The following TBC1D8 variants were observed in gnomAD, a reference collection of about 807,000 sequenced individuals.
The protein encoded by TBC1D8 is TBC1 domain family member 8.
TBC1D8 carries 65 observed loss-of-function variants against 118.8 expected under a neutral mutation model. That is an observed-to-expected ratio of 0.55 (90% CI 0.45 to 0.67). TBC1D8 has a LOEUF of 0.67. Ranked by LOEUF, TBC1D8 falls within the 30% of genes least tolerant of loss-of-function variation. The pLI, the probability that TBC1D8 is intolerant of heterozygous loss-of-function variation, is 0.00. For missense variants in TBC1D8, 1,376 were observed against 1,471.2 expected (o/e 0.94, Z 1.06); for synonymous variants, 566 against 595.8 (o/e 0.95, Z 0.73).
chr2:101,050,272 G>A, intron 5 of TBC1D8, 129 bp downstream of exon 5: 1 of 1,373,510 alleles, frequency 7.3e-7, no homozygotes, highest in Non-Finnish European at 9.8e-7. Context: ...ACAAAAATCT[G>A]GATTATGCCA....
intron 1 of TBC1D8, among the ~76,000 whole-genome samples, chr2:101,124,027 T>C (rs946877625): frequency 4.6e-5 from 7 of 152,238 alleles, no homozygotes; most frequent in African/African-American, 1.7e-4. Context: ...CCTGTTGTCC[T>C]GTCCCTGGAT....
chr2:101,094,988 G>A (rs1169183548), intron 1 of TBC1D8, among the ~76,000 whole-genome samples: 2 of 152,122 alleles, frequency 1.3e-5, no homozygotes, highest in Non-Finnish European at 2.9e-5. Context: ...ATAAATCGTA[G>A]GAATATTTAA....
chr2:101,132,439 AGTATG>A, intron 1 of TBC1D8, among the ~76,000 whole-genome samples: 1 of 152,298 alleles, frequency 6.6e-6, no homozygotes, highest in African/African-American at 2.4e-5. Context: ...CCTTCAGTAC[AGTATG>A]TATTCTGTGG....
intron 1 of TBC1D8, among the ~76,000 whole-genome samples, chr2:101,143,330 G>A (rs1024930953): frequency 2.6e-5 from 4 of 151,804 alleles, no homozygotes; most frequent in South Asian, 2.1e-4. Flanking sequence ...GAAAGTGCTG[G>A]GATTACAGAC....
intron 1 of TBC1D8, among the ~76,000 whole-genome samples, chr2:101,113,882 C>A (rs908130809): frequency 4.6e-5 from 7 of 152,214 alleles, no homozygotes; most frequent in African/African-American, 1.7e-4. Context: ...AAACTGCAAA[C>A]AAATCTTGAA....
intron 1 of TBC1D8, among the ~76,000 whole-genome samples, chr2:101,130,402 C>T (rs143478617): frequency 3.5e-4 from 53 of 152,312 alleles, no homozygotes; most frequent in African/African-American, 1.3e-3. Flanking sequence ...CCAAGTCGGA[C>T]CCTAGTGAGA....
rs903543315 is a variant in TBC1D8 at position 101,027,901 on chromosome 2, A to G, written c.2451+147T>C. On this transcript the variant is annotated intron_variant, in intron 14 of 19. Coordinates refer to ENST00000409318, the MANE Select transcript of TBC1D8 (RefSeq NM_001330348.2). ...TGGCTCCAAAGCTCACATTGTTTCT[A>G]CACTACTTCACCCTTAAGTTGTTAA... 5.8e-5 allele frequency: 41 copies of G among 705,952 alleles called. No homozygotes were observed. The African/African-American group carries it at 6.6e-4, about 11-fold the overall frequency. The allele number at this position is 705,952 out of a possible 1,614,324, so 43.7% of individuals were successfully genotyped here.
chr2:101,138,500 T>C (rs1678957208), intron 1 of TBC1D8, among the ~76,000 whole-genome samples: 1 of 152,092 alleles, frequency 6.6e-6, no homozygotes, highest in Admixed American at 6.5e-5. Context: ...CAGACGCCAG[T>C]CACAAGCCCA....
intron 19 of TBC1D8, 118 bp from the exon 20 acceptor site, chr2:101,008,391 TAAGAA>T (rs1437237084): frequency 2.5e-6 from 2 of 801,274 alleles, no homozygotes; most frequent in African/African-American, 3.5e-5. Context: ...ACACAGAATA[TAAGAA>T]AAGGTAGTCT....
At chr2:101,089,417 G>A (rs564849306) in intron 2 of TBC1D8, among the ~76,000 whole-genome samples, 76 of 145,646 alleles carry the variant, frequency 5.2e-4, no homozygotes, top group East Asian at 5.0e-3. Flanking sequence ...TTTATTACTC[G>A]TGTTTAAAAA....
chr2:101,085,553 G>A (rs747468568), intron 2 of TBC1D8, among the ~76,000 whole-genome samples: 4 of 152,088 alleles, frequency 2.6e-5, no homozygotes, highest in African/African-American at 9.7e-5. Flanking sequence ...CCAATATAAC[G>A]TCCGGGATAA....
chr2:101,072,927 T>C (rs540428254), intron 2 of TBC1D8, among the ~76,000 whole-genome samples: 1 of 152,278 alleles, frequency 6.6e-6, no homozygotes, highest in Admixed American at 6.5e-5. Context: ...AGGTCACATT[T>C]CAATATGAGA....
At position 101,008,259 on chromosome 2, in the gene TBC1D8, C is replaced by G; in HGVS notation, c.3030G>C (p.Gln1010His). The G allele has an allele frequency of 6.5e-7, 1 of 1,539,186 alleles. No homozygotes were observed. Among genetic ancestry groups the G allele is most frequent in the Non-Finnish European group, 8.7e-7 (1 of 1,143,046 alleles). ...LPKMSQREFI[Q>H]FCKTLYSMFH... Reference sequence around the variant, plus strand: ...ACATACTGTACAGAGTTTTACAGAACTGGATAAATTCTCTCTGAAATTGAA... The same window carrying G: ...ACATACTGTACAGAGTTTTACAGAAGTGGATAAATTCTCTCTGAAATTGAA... The change falls in exon 20 of 20, where the codon CAG becomes CAC. Residue 1010 changes from glutamine to histidine, a missense_variant. Physicochemically the swap from Gln to His is conservative, Grantham distance 24 (BLOSUM62 0). Coordinates refer to ENST00000409318, the MANE Select transcript of TBC1D8 (RefSeq NM_001330348.2).
chr2:101,085,858 C>G (rs946105413), intron 2 of TBC1D8, among the ~76,000 whole-genome samples: 4 of 152,180 alleles, frequency 2.6e-5, no homozygotes, highest in Admixed American at 2.6e-4. Flanking sequence ...AACTTGACAA[C>G]AGGCCGGGCG....
At chr2:101,053,160 G>T (rs1253629526) in intron 4 of TBC1D8, among the ~76,000 whole-genome samples, 1 of 152,228 alleles carries the variant, frequency 6.6e-6, no homozygotes, top group Non-Finnish European at 1.5e-5. Context: ...ACTGAATTTT[G>T]AAGGATGATG....
intron 17 of TBC1D8, among the ~76,000 whole-genome samples, chr2:101,014,349 T>A (rs761781638): frequency 2.0e-5 from 3 of 152,196 alleles, no homozygotes; most frequent in Non-Finnish European, 2.9e-5. Context: ...TCTGGTATCA[T>A]TTCTGATGTA....
chr2:101,042,975 T>C (rs1042685216), intron 5 of TBC1D8, among the ~76,000 whole-genome samples: 17 of 152,138 alleles, frequency 1.1e-4, no homozygotes, highest in African/African-American at 4.1e-4. Context: ...TGCAGCCCTT[T>C]CTGGTCTCAT....
intron 1 of TBC1D8, among the ~76,000 whole-genome samples, chr2:101,107,628 AG>A (rs1383156769): frequency 6.6e-6 from 1 of 152,218 alleles, no homozygotes; most frequent in Non-Finnish European, 1.5e-5. Flanking sequence ...AGAAGCAATG[AG>A]CACACATAGA....
intron 16 of TBC1D8, among the ~76,000 whole-genome samples, chr2:101,021,974 CATTTT>C (rs1419498735): frequency 1.3e-5 from 2 of 152,192 alleles, no homozygotes; most frequent in East Asian, 3.9e-4. Context: ...CCTTCCAAAA[CATTTT>C]AATTTTATGG....
Sources: gnomAD v4.1 joint callset for allele counts (sites outside exome capture counted in the v4.1 genomes callset) on GRCh38, gnomAD v4.1.1 for gene constraint, MANE v1.5 for transcripts, NCBI Gene and HGNC (gene_info 2026-07-23, HGNC 2026-07-21) for gene names.